HS3ST4: variants seen among roughly 807,000 people sequenced by gnomAD.
The protein encoded by HS3ST4 is heparan sulfate-glucosamine 3-sulfotransferase 4.
A neutral mutation model predicts 29.2 loss-of-function variants in HS3ST4; 17 were observed. The ratio of observed to expected loss-of-function variants is 0.58; its 90% CI spans 0.40 to 0.87. The LOEUF (loss-of-function observed/expected upper bound fraction) is 0.87, where lower values mean the gene tolerates loss of function less well. Among genes scored for constraint, HS3ST4 ranks in the 40% least tolerant of loss-of-function variants. The probability of loss-of-function intolerance (pLI) is 0.00; values close to 1 mark genes in which losing one functional copy is unlikely to be tolerated. For synonymous variants in HS3ST4, 314 were observed against 285.7 expected (o/e 1.10, Z -1.00); for missense variants, 627 against 634.5 (o/e 0.99, Z 0.13).
chr16:25,976,722 T>G (rs1366663853), intron 1 of HS3ST4, among the ~76,000 whole-genome samples: 2 of 152,224 alleles, frequency 1.3e-5, no homozygotes, highest in African/African-American at 4.8e-5. Flanking sequence ...AGTACCTACT[T>G]ATCTTCTGGA....
At chr16:25,869,489 G>A (rs913041059) in intron 1 of HS3ST4, among the ~76,000 whole-genome samples, 2 of 151,626 alleles carry the variant, frequency 1.3e-5, no homozygotes, top group African/African-American at 2.4e-5. Context: ...ATTTTTTTTC[G>A]AATGCAAACT....
chr16:26,042,080 G>A (rs1358987727), intron 1 of HS3ST4, among the ~76,000 whole-genome samples: 1 of 152,114 alleles, frequency 6.6e-6, no homozygotes, highest in South Asian at 2.1e-4. Context: ...AGCAGAACTG[G>A]CTCTTATTCA....
chr16:25,714,755 G>T (rs888546657), intron 1 of HS3ST4, among the ~76,000 whole-genome samples: 6 of 152,180 alleles, frequency 3.9e-5, no homozygotes, highest in Non-Finnish European at 7.3e-5. Context: ...TCGTTATTTG[G>T]TAGTATCTAC....
At position 25,692,327 on chromosome 16, in the gene HS3ST4, GC is replaced by G; in HGVS notation, c.-90del. The G allele has an allele frequency of 6.2e-6, 1 of 161,734 alleles. No homozygotes were observed. Among genetic ancestry groups the G allele is most frequent in the Non-Finnish European group, 1.2e-5 (1 of 80,054 alleles). 10.0% of individuals were successfully genotyped at this position (161,734 alleles called of 1,614,324 possible). On this transcript the variant is annotated 5_prime_UTR_variant, in exon 1 of 2. The change abolishes the stop of an existing upstream ORF in the 5' untranslated region. Transcript: ENST00000331351. Reference sequence around the variant, plus strand: ...GGCAGCGGCGGCGGCGGCGGCGGCGGCGGCGGCGGCGGGGGCGGCGGCTGAA... The same window carrying G: ...GGCAGCGGCGGCGGCGGCGGCGGCGGGGCGGCGGCGGGGGCGGCGGCTGAA...
chr16:26,044,251 T>C (rs1220729277), intron 1 of HS3ST4, among the ~76,000 whole-genome samples: 3 of 152,228 alleles, frequency 2.0e-5, no homozygotes, highest in Non-Finnish European at 4.4e-5. Context: ...TGTTACTTGA[T>C]TCTGCAAGAG....
At chr16:26,045,399 G>A (rs914408316) in intron 1 of HS3ST4, among the ~76,000 whole-genome samples, 1 of 152,064 alleles carries the variant, frequency 6.6e-6, no homozygotes, top group African/African-American at 2.4e-5. Context: ...TTATTTGACC[G>A]AAGAACTGCT....
In HS3ST4 at chr16:25,981,911, G is replaced by A. The variant is rs1969009203; in HGVS notation, c.735-153701G>A. Among the ~76,000 whole-genome samples the A allele has an allele frequency of 2.0e-5, 3 of 152,306 alleles. No individual in the cohort carries two copies. In the South Asian group the frequency reaches 6.2e-4, roughly 32 times the overall value. On this transcript the variant is annotated intron_variant, in intron 1 of 1. Coordinates refer to ENST00000331351, the MANE Select transcript of HS3ST4 (RefSeq NM_006040.3). ...TGCATGGCTGTAACATGGAGTTGGTGCTCAACAAATGGCCTCGGCCTCATG... is the reference window on the plus strand; with the variant it reads ...TGCATGGCTGTAACATGGAGTTGGTACTCAACAAATGGCCTCGGCCTCATG...
rs56169806 is a variant in HS3ST4 at position 26,081,786 on chromosome 16, CTTTTTTTTTTTTTT to C, written c.735-53813_735-53800del. On this transcript the variant is annotated intron_variant, in intron 1 of 1. Transcript: ENST00000331351. ...CCCCATGTACTTCAGGGAGTACATT[CTTTTTTTTTTTTTT>C]TTTTTTTTTTTTGAGATGAAGTTTC... Among the ~76,000 whole-genome samples, 4 of 85,002 alleles carry C rather than the reference CTTTTTTTTTTTTTT, an allele frequency of 4.7e-5. No homozygotes were observed. The East Asian group carries it at 1.1e-3, about 24-fold the overall frequency. The allele number at this position is 85,002 out of a possible 152,430, so 55.8% of individuals were successfully genotyped here.
intron 1 of HS3ST4, among the ~76,000 whole-genome samples, chr16:25,990,992 A>G (rs1450860718): frequency 1.3e-5 from 2 of 152,076 alleles, no homozygotes; most frequent in Non-Finnish European, 2.9e-5. Flanking sequence ...CCAGTCCTCA[A>G]CAGAGCCCTG....
At chr16:25,857,104 C>T (rs939481576) in intron 1 of HS3ST4, among the ~76,000 whole-genome samples, 6 of 152,156 alleles carry the variant, frequency 3.9e-5, no homozygotes, top group African/African-American at 1.4e-4. Flanking sequence ...ATCAGAGACT[C>T]CCTAAGTCTG....
chr16:25,999,778 A>G (rs1379907555), intron 1 of HS3ST4, among the ~76,000 whole-genome samples: 1 of 138,658 alleles, frequency 7.2e-6, no homozygotes, highest in East Asian at 2.0e-4. Flanking sequence ...ATATTTATAT[A>G]TATTATATAT....
intron 1 of HS3ST4, among the ~76,000 whole-genome samples, chr16:25,819,556 C>A (rs1342064793): frequency 2.0e-5 from 3 of 152,162 alleles, no homozygotes; most frequent in Non-Finnish European, 2.9e-5. Flanking sequence ...TGGTTCTAGT[C>A]ATTAATCCTC....
At chr16:26,112,381 CTTT>C (rs386384539) in intron 1 of HS3ST4, among the ~76,000 whole-genome samples, 22 of 111,932 alleles carry the variant, frequency 2.0e-4, no homozygotes, top group African/African-American at 3.0e-4. Flanking sequence ...GCCTCTACAT[CTTT>C]TTTTTTTTTT....
intron 1 of HS3ST4, among the ~76,000 whole-genome samples, chr16:25,770,117 A>G (rs1204948446): frequency 6.6e-6 from 1 of 152,162 alleles, no homozygotes; most frequent in Non-Finnish European, 1.5e-5. Flanking sequence ...ACAGAACTTA[A>G]AAGTTTCAGA....
At chr16:26,094,633 A>G (rs879648169) in intron 1 of HS3ST4, among the ~76,000 whole-genome samples, 6 of 152,346 alleles carry the variant, frequency 3.9e-5, no homozygotes, top group African/African-American at 7.2e-5. Context: ...ATGGAAAGAA[A>G]CAATCAGTAC....
At chr16:26,017,815 G>A (rs1567294635) in intron 1 of HS3ST4, among the ~76,000 whole-genome samples, 1 of 152,144 alleles carries the variant, frequency 6.6e-6, no homozygotes, top group Non-Finnish European at 1.5e-5. Context: ...GCTAAGAGAA[G>A]AGCCTGGGAA....
At chr16:25,991,890 G>A (rs1445594631) in intron 1 of HS3ST4, among the ~76,000 whole-genome samples, 4 of 151,660 alleles carry the variant, frequency 2.6e-5, no homozygotes, top group African/African-American at 4.8e-5. Context: ...GCGTGGTGGT[G>A]GGTGCCTGTA....
At chr16:25,885,059 A>G (rs1967936459) in intron 1 of HS3ST4, among the ~76,000 whole-genome samples, 1 of 152,200 alleles carries the variant, frequency 6.6e-6, no homozygotes, top group Admixed American at 6.5e-5. Flanking sequence ...ACCATTTCAG[A>G]ATAAAAAATG....
chr16:26,114,301 C>T (rs1899173503), intron 1 of HS3ST4, among the ~76,000 whole-genome samples: 1 of 152,144 alleles, frequency 6.6e-6, no homozygotes, highest in Admixed American at 6.5e-5. Context: ...CATATTTCTG[C>T]TCAGTTGCAC....
Sources: gnomAD v4.1 joint callset for allele counts (sites outside exome capture counted in the v4.1 genomes callset) on GRCh38, gnomAD v4.1.1 for gene constraint, MANE v1.5 for transcripts, NCBI Gene and HGNC (gene_info 2026-07-23, HGNC 2026-07-21) for gene names.